Variants in SUCLG1 observed in about 807,000 individuals in gnomAD.
SUCLG1 encodes the protein succinate-CoA ligase GDP/ADP-forming subunit alpha, also known as succinate--CoA ligase [ADP/GDP-forming] subunit alpha, mitochondrial.
In SUCLG1, 26 loss-of-function variants were observed where a neutral mutation model predicts 37.3. That is an observed-to-expected ratio of 0.70 (90% CI 0.51 to 0.97). The LOEUF is 0.97. SUCLG1 is among the 50% of genes least tolerant of loss of function. The probability of loss-of-function intolerance (pLI) is 0.00; values close to 1 mark genes in which losing one functional copy is unlikely to be tolerated. For missense variants in SUCLG1, 433 were observed against 432.9 expected, an observed-to-expected ratio of 1.00 and a Z score of 0.00; for synonymous variants, 163 against 155.6, an observed-to-expected ratio of 1.05 and a Z score of -0.36.
At chr2:84,448,895 C>T (rs546270670) in intron 2 of SUCLG1, 110 of 341,696 alleles carry the variant, frequency 3.2e-4, no homozygotes, top group South Asian at 2.8e-3. Flanking sequence ...TGTTTGCATG[C>T]ACAAGAAAAA....
At chr2:84,459,067 G>A in intron 1 of SUCLG1, 106 bp downstream of exon 1, 1 of 1,189,304 alleles carries the variant, frequency 8.4e-7, no homozygotes, top group Non-Finnish European at 1.1e-6. Flanking sequence ...CCAGGCCCCC[G>A]CCGAGGTCCA....
intron 5 of SUCLG1, among the ~76,000 whole-genome samples, chr2:84,438,078 C>T (rs72830148): frequency 0.011 from 1,732 of 152,178 alleles, 19 homozygotes; most frequent in Non-Finnish European, 0.015. Flanking sequence ...GCAGGAGGCA[C>T]GTGACTAGAA....
intron 1 of SUCLG1, among the ~76,000 whole-genome samples, chr2:84,455,780 G>A (rs1366650036): frequency 2.7e-5 from 4 of 147,886 alleles, no homozygotes; most frequent in African/African-American, 1.0e-4. Flanking sequence ...AGCTTGCAGT[G>A]AGCAGAGATC....
chr2:84,424,853 C>G (rs1672510829), intron 8 of SUCLG1, among the ~76,000 whole-genome samples: 2 of 151,994 alleles, frequency 1.3e-5, no homozygotes. Context: ...AAAAGCAAAA[C>G]AAACAAACAA....
chr2:84,449,877 A>G (rs1032076214), intron 1 of SUCLG1, 125 bp from the exon 2 acceptor site: 14 of 657,078 alleles, frequency 2.1e-5, no homozygotes, highest in Non-Finnish European at 3.7e-5. Context: ...TCCTGTGATC[A>G]CGGCAAACCT....
At chr2:84,445,806 C>T (rs913075024) in intron 2 of SUCLG1, among the ~76,000 whole-genome samples, 1 of 152,232 alleles carries the variant, frequency 6.6e-6, no homozygotes, top group African/African-American at 2.4e-5. Flanking sequence ...CCCACAGCAG[C>T]CCGAGTGATC....
chr2:84,457,895 C>G (rs1029441556), intron 1 of SUCLG1, among the ~76,000 whole-genome samples: 9 of 152,020 alleles, frequency 5.9e-5, no homozygotes, highest in African/African-American at 2.2e-4. Flanking sequence ...TTCATACTTG[C>G]TAACGTTATC....
chr2:84,439,842 G>A (rs6721249), intron 5 of SUCLG1, among the ~76,000 whole-genome samples: 1 of 152,150 alleles, frequency 6.6e-6, no homozygotes, highest in Admixed American at 6.5e-5. Flanking sequence ...CAAGTAGCAG[G>A]GCAATTTTCC....
At chr2:84,439,689 T>C (rs1025172342) in intron 5 of SUCLG1, among the ~76,000 whole-genome samples, 2 of 152,336 alleles carry the variant, frequency 1.3e-5, no homozygotes, top group East Asian at 1.9e-4. Context: ...AGCCATGGTT[T>C]ATAGATAGAG....
intron 2 of SUCLG1, among the ~76,000 whole-genome samples, chr2:84,447,426 A>G (rs1672866949): frequency 6.6e-6 from 1 of 152,244 alleles, no homozygotes; most frequent in South Asian, 2.1e-4. Context: ...ATATAGAGAC[A>G]GTTCTGAATA....
intron 1 of SUCLG1, among the ~76,000 whole-genome samples, chr2:84,451,192 A>C (rs1194381183): frequency 6.6e-6 from 1 of 152,164 alleles, no homozygotes; most frequent in Non-Finnish European, 1.5e-5. Flanking sequence ...TTTGTGTAGA[A>C]GCTACACCCT....
chr2:84,452,063 T>C (rs1672950760), intron 1 of SUCLG1, among the ~76,000 whole-genome samples: 1 of 152,024 alleles, frequency 6.6e-6, no homozygotes, highest in South Asian at 2.1e-4. Context: ...TACCAAGCCA[T>C]AATGTCAGGT....
At chr2:84,446,725 G>A (rs1672858110) in intron 2 of SUCLG1, among the ~76,000 whole-genome samples, 1 of 151,832 alleles carries the variant, frequency 6.6e-6, no homozygotes, top group Admixed American at 6.6e-5. Context: ...GAGAGGGAGG[G>A]GGAAAATCTA....
At chr2:84,426,911 T>C (rs902488963) in intron 7 of SUCLG1, 5 of 152,782 alleles carry the variant, frequency 3.3e-5, no homozygotes, top group African/African-American at 9.7e-5. Flanking sequence ...AAAAGAATTA[T>C]TGACGATCTC....
At chr2:84,447,419 T>C (rs917690675) in intron 2 of SUCLG1, among the ~76,000 whole-genome samples, 1 of 152,208 alleles carries the variant, frequency 6.6e-6, no homozygotes, top group Non-Finnish European at 1.5e-5. Context: ...ATTTAGAATA[T>C]AGAGACAGTT....
At chr2:84,440,902 T>C (rs1042570548) in intron 5 of SUCLG1, 145 bp downstream of exon 5, 4 of 757,366 alleles carry the variant, frequency 5.3e-6, no homozygotes, top group African/African-American at 3.5e-5. Flanking sequence ...AGATACAGAA[T>C]TGATAGACTA....
intron 2 of SUCLG1, among the ~76,000 whole-genome samples, chr2:84,443,833 A>G (rs919151251): frequency 1.5e-5 from 2 of 136,012 alleles, no homozygotes; most frequent in Non-Finnish European, 3.0e-5. Context: ...TGGCTAAGGG[A>G]AAAAAAAACA....
chr2:84,425,046 A>G (rs1254210949), intron 8 of SUCLG1, among the ~76,000 whole-genome samples: 1 of 152,132 alleles, frequency 6.6e-6, no homozygotes, highest in Non-Finnish European at 1.5e-5. Context: ...CAGGGTGGCT[A>G]TATCCCAAAG....
chr2:84,451,433 T>C (rs1042147126), intron 1 of SUCLG1, among the ~76,000 whole-genome samples: 2 of 152,224 alleles, frequency 1.3e-5, no homozygotes, highest in Non-Finnish European at 2.9e-5. Flanking sequence ...ACAAGTACTC[T>C]TATACTCACT....
Sources: gnomAD v4.1 joint callset for allele counts (sites outside exome capture counted in the v4.1 genomes callset) on GRCh38, gnomAD v4.1.1 for gene constraint, MANE v1.5 for transcripts, NCBI Gene and HGNC (gene_info 2026-07-23, HGNC 2026-07-21) for gene names.